The following FEZ1 variants were observed in gnomAD, a reference collection of about 807,000 sequenced individuals.
The protein encoded by FEZ1 is fasciculation and elongation protein zeta 1.
FEZ1 carries 20 observed loss-of-function variants against 49.3 expected under a neutral mutation model. The ratio of observed to expected loss-of-function variants is 0.41; its 90% CI spans 0.29 to 0.59. The LOEUF (loss-of-function observed/expected upper bound fraction) is 0.59. Among genes scored for constraint, FEZ1 ranks in the 20% least tolerant of loss-of-function variants. The pLI is 0.36. For synonymous variants in FEZ1, 170 were observed against 180.9 expected (o/e 0.94, Z 0.48); for missense variants, 413 against 476.0 (o/e 0.87, Z 1.23).
intron 1 of FEZ1, among the ~76,000 whole-genome samples, chr11:125,493,481 GGAAAGAAGGAAAGAAA>G (rs1957418752): frequency 1.0e-4 from 5 of 49,648 alleles, no homozygotes; most frequent in Non-Finnish European, 1.6e-4. Context: ...AAGGAAAGAA[GGAAAGAAGGAAAGAAA>G]GAAAGAAAGA....
At chr11:125,454,939 G>T (rs542614854) in intron 6 of FEZ1, among the ~76,000 whole-genome samples, 2 of 150,248 alleles carry the variant, frequency 1.3e-5, no homozygotes, top group East Asian at 3.9e-4. Context: ...GCTTGAACCC[G>T]GGAAGCAGAG....
At position 125,444,944 on chromosome 11, in the gene FEZ1, A is replaced by G. The variant is rs1165287490; in HGVS notation, c.*1151T>C. ...CGATGAAGCCAGTGCAGGCTACAGC[A>G]AGTGCCCAGTACAAGTTTTTGCTTT... On this transcript the variant is annotated 3_prime_UTR_variant, in exon 10 of 10. Coordinates refer to ENST00000278919, the MANE Select transcript of FEZ1 (RefSeq NM_005103.5). Among the ~76,000 whole-genome samples, 1 of 152,232 alleles carries G rather than the reference A, an allele frequency of 6.6e-6. No individual in the cohort carries two copies. Among genetic ancestry groups the G allele is most frequent in the African/African-American group, 2.4e-5 (1 of 41,464 alleles).
chr11:125,458,157 A>G (rs1020682060), intron 5 of FEZ1, among the ~76,000 whole-genome samples: 2 of 152,194 alleles, frequency 1.3e-5, no homozygotes, highest in African/African-American at 4.8e-5. Flanking sequence ...TCTGACTTGC[A>G]GGATGCAGGC....
rs978107699 is a variant in FEZ1, at chr11:125,445,831, T to A, written c.*264A>T. 5.0e-5 allele frequency: 26 copies of A among 518,142 alleles called. No homozygotes were observed. Among genetic ancestry groups the A allele is most frequent in the African/African-American group, 4.4e-4 (23 of 52,204 alleles). 32.1% of individuals were successfully genotyped at this position (518,142 alleles called of 1,614,324 possible). On this transcript the variant is annotated 3_prime_UTR_variant, in exon 10 of 10. Coordinates refer to ENST00000278919, the MANE Select transcript of FEZ1 (RefSeq NM_005103.5). This position sits in a 1 kb window ranked among gnomAD's most constrained non-coding sequence, Gnocchi z 4.4. ...TGAGGGCTGTAGCCAGACTACATAA[T>A]GAGCGGTGAAAGCGGCTGCCTTCCC...
chr11:125,449,776 C>A (rs1246668660), intron 8 of FEZ1, among the ~76,000 whole-genome samples: 1 of 152,154 alleles, frequency 6.6e-6, no homozygotes, highest in Non-Finnish European at 1.5e-5. Flanking sequence ...CACTTCATTT[C>A]GATATCCTTG....
intron 9 of FEZ1, among the ~76,000 whole-genome samples, chr11:125,446,822 C>T (rs1309618261): frequency 4.6e-5 from 7 of 151,516 alleles, no homozygotes; most frequent in African/African-American, 1.7e-4. Context: ...GGACTACAGG[C>T]GCGCACCACT....
chr11:125,479,907 AG>A (rs958942894), intron 3 of FEZ1, among the ~76,000 whole-genome samples: 1 of 152,196 alleles, frequency 6.6e-6, no homozygotes, highest in Non-Finnish European at 1.5e-5. Flanking sequence ...TTCAGATAGG[AG>A]GGGCAATTTG....
chr11:125,469,234 C>T (rs1957162056), intron 3 of FEZ1: 1 of 152,344 alleles, frequency 6.6e-6, no homozygotes, highest in African/African-American at 2.4e-5. Context: ...CAGCAGGAAA[C>T]AAGCCCTGAC....
In FEZ1 at chr11:125,460,425, A is replaced by G. The variant is rs142932715; in HGVS notation, c.667+73T>C. On this transcript the variant is annotated intron_variant, in intron 5 of 9. Coordinates refer to ENST00000278919, the MANE Select transcript of FEZ1 (RefSeq NM_005103.5). ...AGTCAGGGTTCTATTAGCCATGTACAAAGCACACAGCCCAGAGCCTGGCCC... is the reference window on the plus strand; with the variant it reads ...AGTCAGGGTTCTATTAGCCATGTACGAAGCACACAGCCCAGAGCCTGGCCC... 1,815 of 1,407,310 alleles carry G rather than the reference A, an allele frequency of 1.3e-3. 45 individuals carry two copies. In the Admixed American group the frequency reaches 0.033, roughly 26 times the overall value. The allele number at this position is 1,407,310 out of a possible 1,614,324, so 87.2% of individuals were successfully genotyped here.
rs567158647 is a variant in FEZ1 at position 125,468,114 on chromosome 11, A to G, written c.412-4544T>C. ...TTATTCACCAAGTTCCTAGTGTAGG[A>G]CCAAGCTTACAATGAAACTCTGAGT... is the stretch of plus-strand genomic sequence containing the variant. On this transcript the variant is annotated intron_variant, in intron 3 of 9. Coordinates refer to ENST00000278919, the MANE Select transcript of FEZ1 (RefSeq NM_005103.5). Among the ~76,000 whole-genome samples the G allele has an allele frequency of 3.9e-5, 6 of 152,326 alleles. No homozygotes were observed. The East Asian group carries it at 1.2e-3, about 29-fold the overall frequency.
chr11:125,446,121 GAA>G lies in FEZ1; in HGVS notation c.1163-12_1163-11del, dbSNP rs771990093. The G allele has an allele frequency of 3.8e-5, 62 of 1,613,836 alleles. No individual in the cohort carries two copies. The highest frequency in any genetic ancestry group is 5.2e-5 in the Non-Finnish European group (61 of 1,179,866). ...TAGGTAGGGCAGAGCACTGCAACGAGAAGAGAGGAGGGGAGAGCGGTCAGAAC... is the reference window on the plus strand; with the variant it reads ...TAGGTAGGGCAGAGCACTGCAACGAGGAGAGGAGGGGAGAGCGGTCAGAAC... On this transcript the variant is annotated splice_polypyrimidine_tract_variant and intron_variant, in intron 9 of 9. Transcript: ENST00000278919.
intron 8 of FEZ1, among the ~76,000 whole-genome samples, chr11:125,448,825 C>T: frequency 6.6e-6 from 1 of 151,892 alleles, no homozygotes; most frequent in East Asian, 1.9e-4. Context: ...GACCTTGAGC[C>T]CAGGCATTCA....
In FEZ1 at chr11:125,445,231, GACAA is replaced by G. The variant is rs1956888535; in HGVS notation, c.*860_*863del. Among the ~76,000 whole-genome samples, 1 of 152,230 alleles carries G rather than the reference GACAA, an allele frequency of 6.6e-6. No homozygotes were observed. The highest frequency in any genetic ancestry group is 1.5e-5 in the Non-Finnish European group (1 of 68,042). ...GACACTGTTGCCAGGGGTCGTTGGG[GACAA>G]ACAGGGAGTGGTGGTTTCGTCAAGT... On this transcript the variant is annotated 3_prime_UTR_variant, in exon 10 of 10. Coordinates refer to ENST00000278919, the MANE Select transcript of FEZ1 (RefSeq NM_005103.5). The surrounding 1 kb of genome is among the most constrained non-coding windows in gnomAD (Gnocchi z 4.4).
intron 8 of FEZ1, among the ~76,000 whole-genome samples, chr11:125,451,016 A>C (rs1339934988): frequency 6.6e-6 from 1 of 152,228 alleles, no homozygotes; most frequent in Admixed American, 6.5e-5. Context: ...TCTTAATTAA[A>C]ATGAAAAGAT....
chr11:125,477,339 C>CAAA (rs34551090), intron 3 of FEZ1, among the ~76,000 whole-genome samples: 25 of 133,334 alleles, frequency 1.9e-4, no homozygotes, highest in African/African-American at 7.2e-4. Context: ...ACCAAAAATA[C>CAAA]AAAAAAAAAA....
At chr11:125,453,445 T>G (rs1956977096) in intron 7 of FEZ1, 1 of 152,176 alleles carries the variant, frequency 6.6e-6, no homozygotes, top group African/African-American at 2.4e-5. Flanking sequence ...CACTTAGAAT[T>G]CAGCTACAAA....
Position 125,495,799 on chromosome 11 carries a change from G to GACACAC in FEZ1, c.-46+316_-46+321dup, listed in dbSNP as rs10524234. 0.013 allele frequency: 4,096 copies of GACACAC among 309,898 alleles called. 157 individuals carry two copies. Among genetic ancestry groups the GACACAC allele is most frequent in the African/African-American group, 0.085 (3,683 of 43,106 alleles). The allele number at this position is 309,898 out of a possible 1,614,324, so 19.2% of individuals were successfully genotyped here. A position where few individuals can be genotyped will look rare whatever the true frequency, so the allele number is the denominator to read the frequency against. ...GCACACACGCGGGCACACACACGCG[G>GACACAC]ACACACACACACACACACACACACA... On this transcript the variant is annotated intron_variant, in intron 1 of 9. Transcript: ENST00000278919. The surrounding 1 kb of genome is among the most constrained non-coding windows in gnomAD (Gnocchi z 4.2).
chr11:125,475,275 TACACACACACACACAC>T (rs67243081), intron 3 of FEZ1, among the ~76,000 whole-genome samples: 2 of 141,706 alleles, frequency 1.4e-5, no homozygotes, highest in East Asian at 2.1e-4. Flanking sequence ...GTCTCAAAAA[TACACACACACACACAC>T]ACACACACAC....
intron 2 of FEZ1, among the ~76,000 whole-genome samples, chr11:125,483,705 T>C (rs1402699803): frequency 6.6e-6 from 1 of 152,244 alleles, no homozygotes; most frequent in Non-Finnish European, 1.5e-5. Flanking sequence ...CCTTCAGATT[T>C]GTCCCTGCAG....
Sources: allele counts gnomAD v4.1 joint callset (sites outside exome capture counted in the v4.1 genomes callset), GRCh38; gene constraint gnomAD v4.1.1; non-coding constraint Gnocchi (gnomAD v3.1); transcripts MANE v1.5; gene names NCBI Gene and HGNC (gene_info 2026-07-23, HGNC 2026-07-21).